The following SRP54 variants were observed in gnomAD, a reference collection of about 807,000 sequenced individuals.
SRP54 encodes the protein signal recognition particle subunit SRP54.
In SRP54, 10 loss-of-function variants were observed where a neutral mutation model predicts 64.8. The observed-to-expected ratio is 0.15, with a 90% CI of 0.10 to 0.26. The LOEUF (loss-of-function observed/expected upper bound fraction) is 0.26. Among genes scored for constraint, SRP54 ranks in the 10% least tolerant of loss-of-function variants. The probability of loss-of-function intolerance (pLI) is 1.00; values close to 1 mark genes in which losing one functional copy is unlikely to be tolerated. For missense variants in SRP54, 325 were observed against 613.7 expected, an observed-to-expected ratio of 0.53 and a Z score of 4.97; for synonymous variants, 193 against 185.6, an observed-to-expected ratio of 1.04 and a Z score of -0.32.
chr14:34,984,626 C>G (rs1338503186), intron 1 of SRP54, among the ~76,000 whole-genome samples: 1 of 152,156 alleles, frequency 6.6e-6, no homozygotes, highest in Non-Finnish European at 1.5e-5. Flanking sequence ...CTCAGCCTTC[C>G]GAGTAGCTGG....
At chr14:34,994,584 A>G (rs993241854) in intron 1 of SRP54, among the ~76,000 whole-genome samples, 3 of 152,168 alleles carry the variant, frequency 2.0e-5, no homozygotes, top group African/African-American at 7.2e-5. Flanking sequence ...ATCCATAAGT[A>G]CAGTGCATAT....
Position 35,018,783 on chromosome 14 carries a change from C to A in SRP54, c.1047+18C>A. 1 of 1,591,096 alleles carries A rather than the reference C, an allele frequency of 6.3e-7. No individual in the cohort carries two copies. The highest frequency in any genetic ancestry group is 8.6e-7 in the Non-Finnish European group (1 of 1,168,660). On this transcript the variant is annotated intron_variant, in intron 12 of 15. Transcript: ENST00000216774. ...AGATCTTGGTTAGTTATCCTTAAAA[C>A]TTTATACCTTCTTTTGTTTTCATTA...
At chr14:35,010,493 A>T (rs1251545518) in intron 7 of SRP54, among the ~76,000 whole-genome samples, 1 of 152,106 alleles carries the variant, frequency 6.6e-6, no homozygotes, top group Non-Finnish European at 1.5e-5. Context: ...GAGGCCAGGC[A>T]TGATGGCTCA....
At chr14:34,997,575 A>G (rs1290378966) in intron 2 of SRP54, among the ~76,000 whole-genome samples, 1 of 152,198 alleles carries the variant, frequency 6.6e-6, no homozygotes, top group Non-Finnish European at 1.5e-5. Context: ...ACCATAGAAA[A>G]TGGTTTTAAG....
At chr14:34,999,433 CT>C in intron 2 of SRP54, 124 bp from the exon 3 acceptor site, 2 of 610,192 alleles carry the variant, frequency 3.3e-6, no homozygotes, top group South Asian at 4.5e-5. Flanking sequence ...TCTCCAAGAA[CT>C]AACTGAAAAA....
chr14:34,993,764 C>T (rs2044020780), intron 1 of SRP54, among the ~76,000 whole-genome samples: 1 of 150,866 alleles, frequency 6.6e-6, no homozygotes, highest in African/African-American at 2.4e-5. Flanking sequence ...GCATGATCTC[C>T]AGCTCACCGC....
intron 1 of SRP54, among the ~76,000 whole-genome samples, chr14:34,984,755 G>C (rs2043867448): frequency 1.3e-5 from 2 of 152,206 alleles, no homozygotes; most frequent in African/African-American, 4.8e-5. Flanking sequence ...GCCTGCTTCG[G>C]CCTCCCAAAG....
intron 1 of SRP54, among the ~76,000 whole-genome samples, chr14:34,991,363 C>T (rs2043975333): frequency 6.6e-6 from 1 of 151,920 alleles, no homozygotes; most frequent in South Asian, 2.1e-4. Context: ...CTCCTGACCT[C>T]AGGCAATCCA....
At chr14:34,993,442 G>A (rs1480122357) in intron 1 of SRP54, 3 of 152,028 alleles carry the variant, frequency 2.0e-5, no homozygotes, top group Non-Finnish European at 4.4e-5. Context: ...AAAATCTTAT[G>A]GTAAGCAATT....
chr14:34,991,109 C>CTTTTTTTTTTTTTTT (rs71435838), intron 1 of SRP54, among the ~76,000 whole-genome samples: 3 of 111,082 alleles, frequency 2.7e-5, no homozygotes, highest in Non-Finnish European at 5.6e-5. Flanking sequence ...AATTTCTTTT[C>CTTTTTTTTTTTTTTT]TTTTTTTTTT....
chr14:35,004,924 A>G (rs755049346), intron 4 of SRP54, among the ~76,000 whole-genome samples: 20 of 152,190 alleles, frequency 1.3e-4, no homozygotes, highest in Non-Finnish European at 1.8e-4. Flanking sequence ...ATTCAAGTAT[A>G]ATATAGATGA....
chr14:34,986,017 T>G (rs1329731866), intron 1 of SRP54, among the ~76,000 whole-genome samples: 1 of 152,216 alleles, frequency 6.6e-6, no homozygotes, highest in Non-Finnish European at 1.5e-5. Context: ...TTAATTTTCT[T>G]CTTGGTAGCA....
intron 8 of SRP54, among the ~76,000 whole-genome samples, chr14:35,011,943 G>A (rs1015172118): frequency 6.6e-6 from 1 of 152,130 alleles, no homozygotes; most frequent in Non-Finnish European, 1.5e-5. Flanking sequence ...ATTAGGCCGG[G>A]TATGGTGGCT....
intron 13 of SRP54, among the ~76,000 whole-genome samples, chr14:35,021,467 T>G (rs1475831237): frequency 6.6e-6 from 1 of 152,028 alleles, no homozygotes; most frequent in Non-Finnish European, 1.5e-5. Context: ...CTGTCTTTAC[T>G]AAAAGTACAA....
chr14:34,999,162 G>C (rs2044132067), intron 2 of SRP54, among the ~76,000 whole-genome samples: 2 of 151,614 alleles, frequency 1.3e-5, no homozygotes, highest in South Asian at 2.1e-4. Context: ...TCACAGGCAC[G>C]TGCCACCATG....
intron 8 of SRP54, among the ~76,000 whole-genome samples, chr14:35,013,136 T>A (rs1353590405): frequency 6.6e-6 from 1 of 152,044 alleles, no homozygotes; most frequent in Non-Finnish European, 1.5e-5. Context: ...TTTTGTATTT[T>A]TAGTAGAGAC....
chr14:35,014,648 T>C, intron 10 of SRP54, 96 bp from the exon 11 acceptor site: 2 of 948,414 alleles, frequency 2.1e-6, no homozygotes, highest in East Asian at 2.4e-5. Flanking sequence ...TAACCTATTA[T>C]AACCTCACAA....
intron 5 of SRP54, 151 bp from the exon 6 acceptor site, chr14:35,008,476 C>T (rs972575431): frequency 2.2e-6 from 1 of 455,298 alleles, no homozygotes; most frequent in Non-Finnish European, 3.6e-6. Flanking sequence ...AGGAAATTTG[C>T]CACATTCAAA....
intron 11 of SRP54, among the ~76,000 whole-genome samples, chr14:35,017,302 A>T (rs2044459569): frequency 6.6e-6 from 1 of 152,058 alleles, no homozygotes; most frequent in South Asian, 2.1e-4. Flanking sequence ...TATTCTACTC[A>T]TTCTGAGATC....
Sources: gnomAD v4.1 joint callset for allele counts (sites outside exome capture counted in the v4.1 genomes callset) on GRCh38, gnomAD v4.1.1 for gene constraint, MANE v1.5 for transcripts, NCBI Gene and HGNC (gene_info 2026-07-23, HGNC 2026-07-21) for gene names.